The following GBP4 variants were observed in gnomAD, a reference collection of about 807,000 sequenced individuals.
The protein encoded by GBP4 is guanylate binding protein 4, also known as guanylate-binding protein 4.
In GBP4, 69 loss-of-function variants were observed where a neutral mutation model predicts 62.2. The ratio of observed to expected loss-of-function variants is 1.11; its 90% confidence interval spans 0.91 to 1.36. GBP4 has a LOEUF of 1.36. Ranked by LOEUF, GBP4 falls within the 40% of genes most tolerant of loss-of-function variation. The pLI is 0.00. For missense variants in GBP4, 697 were observed against 759.3 expected (o/e 0.92, Z 0.96); for synonymous variants, 278 against 274.6 (o/e 1.01, Z -0.12).
In GBP4 at chr1:89,184,384, G is replaced by A. The variant is rs1647970949; in HGVS notation, c.*870C>T. 6.6e-6 allele frequency: 1 copy of A among 152,168 alleles called. No homozygotes were observed. Among genetic ancestry groups the A allele is most frequent in the South Asian group, 2.1e-4 (1 of 4,820 alleles). 9.4% of individuals were successfully genotyped at this position (152,168 alleles called of 1,614,324 possible). On this transcript the variant is annotated 3_prime_UTR_variant, in exon 11 of 11. Coordinates refer to ENST00000355754, the MANE Select transcript of GBP4 (RefSeq NM_052941.5). ...GAAATATAAATCATTGTACCATAAA[G>A]GCACATGCACGTGTATGTCCATTGC...
In GBP4 at chr1:89,192,985, C is replaced by G; in HGVS notation, c.589G>C (p.Asp197His). The change falls in exon 5 of 11, where the codon GAT becomes CAT. Residue 197 changes from aspartate to histidine, a missense_variant. Physicochemically the swap from Asp to His is moderately conservative, Grantham distance 81. Transcript: ENST00000355754. ...FFPDFIWTVR[D>H]FTLELKLDGN... ...TCTAACTTTAGCTCCAGGGTAAAAT[C>G]CCGAACAGTCCAAATAAAGTCTGGA... is the stretch of plus-strand genomic sequence containing the variant. 6.2e-7 allele frequency: 1 copy of G among 1,614,136 alleles called. No homozygotes were observed. Among genetic ancestry groups the G allele is most frequent in the Non-Finnish European group, 8.5e-7 (1 of 1,180,026 alleles).
chr1:89,186,518 C>T lies in GBP4; in HGVS notation c.1522G>A (p.Ala508Thr), dbSNP rs1402148365. Reference protein sequence around the residue: ...AGEKAIAAERAMKEAAEKEQE... With the variant: ...AGEKAIAAERTMKEAAEKEQE... ...TCCTTCTCAGCTGCTTCCTTCATGGCCCGCTCCGCTATTCCACAAAGGTTT... is the reference window on the plus strand; with the variant it reads ...TCCTTCTCAGCTGCTTCCTTCATGGTCCGCTCCGCTATTCCACAAAGGTTT... The change falls in exon 10 of 11, where the codon GCC (alanine) becomes ACC (threonine). Residue 508 changes from alanine (A) to threonine (T), a missense_variant. Ala to Thr is a moderately conservative substitution (Grantham distance 58). Around this residue, in one of 2 missense-constraint regions of GBP4, gnomAD observed 141 missense variants for 196.6 expected, o/e 0.72. Coordinates refer to ENST00000355754, the MANE Select transcript of GBP4 (RefSeq NM_052941.5). The T allele has an allele frequency of 6.2e-7, 1 of 1,613,720 alleles. No individual in the cohort carries two copies. Among genetic ancestry groups the T allele is most frequent in the Non-Finnish European group, 8.5e-7 (1 of 1,179,920 alleles).
chr1:89,192,490 A>ATT (rs1468498777), intron 5 of GBP4, among the ~76,000 whole-genome samples: 1 of 152,198 alleles, frequency 6.6e-6, no homozygotes, highest in African/African-American at 2.4e-5. Flanking sequence ...AAGTTAGATC[A>ATT]TTTGACTTCT....
chr1:89,181,858 A>C lies in GBP4; in HGVS notation c.*3396T>G, dbSNP rs1014498754. On this transcript the variant is annotated 3_prime_UTR_variant, in exon 11 of 11. Transcript: ENST00000355754. The stretch of plus-strand genomic sequence containing the variant: ...TCTATTTAAAAAATGTGGCGTTAAT[A>C]ACATTAAGCCAAGAGCCAAATCAGG... 3.1e-5 allele frequency: 2 copies of C among 64,994 alleles called. No homozygotes were observed. The highest frequency in any genetic ancestry group is 1.5e-4 in the African/African-American group (2 of 13,456). The allele number at this position is 64,994 out of a possible 1,614,324, so 4.0% of individuals were successfully genotyped here.
chr1:89,197,605 A>G lies in GBP4; in HGVS notation c.41-301T>C, dbSNP rs534834989. Among the ~76,000 whole-genome samples the G allele has an allele frequency of 4.6e-5, 7 of 152,334 alleles. No homozygotes were observed. In the East Asian group the frequency reaches 1.3e-3, roughly 29 times the overall value. On this transcript the variant is annotated intron_variant, in intron 1 of 10. Transcript: ENST00000355754. ...TAAAAATGCCTTGTCAAGGTGATGC[A>G]TAAAATAAACAGAATTAGAAAATCA... is the stretch of plus-strand genomic sequence containing the variant.
In GBP4 at chr1:89,186,382, C is replaced by T. The variant is rs1648032129; in HGVS notation, c.1658G>A (p.Arg553Lys). Residue 553 changes from arginine (R) to lysine (K), a missense_variant, in exon 10 of 11, where the codon AGG becomes AAG. Arg to Lys is a conservative substitution (Grantham distance 26). This residue lies in a region of GBP4 where 141 missense variants were observed against 196.6 expected (regional missense o/e 0.72). Coordinates refer to ENST00000355754, the MANE Select transcript of GBP4 (RefSeq NM_052941.5). ...AQMEKKLEEE[R>K]ENLLREHERL... Reference sequence around the variant, plus strand: ...TTCATGCTCTCTGAGAAGGTTTTCCCTTTCCTCCTCCAACTTCTTCTCCAT... The same window carrying T: ...TTCATGCTCTCTGAGAAGGTTTTCCTTTTCCTCCTCCAACTTCTTCTCCAT... The T allele has an allele frequency of 5.1e-6, 8 of 1,557,556 alleles. No individual in the cohort carries two copies. Among genetic ancestry groups the T allele is most frequent in the Non-Finnish European group, 7.1e-6 (8 of 1,127,720 alleles).
At chr1:89,194,550 G>C (rs1365735331) in intron 3 of GBP4, among the ~76,000 whole-genome samples, 1 of 152,012 alleles carries the variant, frequency 6.6e-6, no homozygotes, top group East Asian at 1.9e-4. Flanking sequence ...TTTCAATAAT[G>C]GAAGCCAAGG....
chr1:89,188,543 T>A, intron 8 of GBP4, 39 bp downstream of exon 8: 1 of 1,523,836 alleles, frequency 6.6e-7, no homozygotes, highest in Non-Finnish European at 9.1e-7. Context: ...ACCCTCTGAC[T>A]ATCCTCTGTT....
chr1:89,195,462 G>T (rs201696008), intron 2 of GBP4, 38 bp from the exon 3 acceptor site: 67 of 1,609,154 alleles, frequency 4.2e-5, no homozygotes, highest in African/African-American at 6.7e-5. Flanking sequence ...AGTAACAGTG[G>T]ATAGACCAGG....
intron 7 of GBP4, 65 bp from the exon 8 acceptor site, chr1:89,188,859 C>T: frequency 6.5e-7 from 1 of 1,547,626 alleles, no homozygotes; most frequent in Middle Eastern, 2.2e-4. Flanking sequence ...CAACTGTGAT[C>T]CTCTTGGAAG....
chr1:89,182,097 GAA>G lies in GBP4; in HGVS notation c.*3155_*3156del. On this transcript the variant is annotated 3_prime_UTR_variant, in exon 11 of 11. Coordinates refer to ENST00000355754, the MANE Select transcript of GBP4 (RefSeq NM_052941.5). ...GGGTGAGGAAGCCGGGTTGTTTTAA[GAA>G]GCCTGTGTCCCCTGTGAAAAGGCCC... is the stretch of plus-strand genomic sequence containing the variant. 6.6e-6 allele frequency: 1 copy of G among 152,284 alleles called. No individual in the cohort carries two copies. Among genetic ancestry groups the G allele is most frequent in the South Asian group, 2.1e-4 (1 of 4,816 alleles). 9.4% of individuals were successfully genotyped at this position (152,284 alleles called of 1,614,324 possible).
In GBP4 at chr1:89,184,879, A is replaced by T. The variant is rs373639430; in HGVS notation, c.*375T>A. On this transcript the variant is annotated 3_prime_UTR_variant, in exon 11 of 11. Coordinates refer to ENST00000355754, the MANE Select transcript of GBP4 (RefSeq NM_052941.5). ...AAGTTAAAAAAATTAAAAATTGTGG[A>T]GCTGCTCTCTTCTCATTAATCGGCA... 57 of 161,766 alleles carry T rather than the reference A, an allele frequency of 3.5e-4. 6 individuals carry two copies. The highest frequency in any genetic ancestry group is 8.9e-4 in the Admixed American group (14 of 15,748). The allele number at this position is 161,766 out of a possible 1,614,324, so 10.0% of individuals were successfully genotyped here. A position where few individuals can be genotyped will look rare whatever the true frequency, so the allele number is the denominator to read the frequency against.
chr1:89,181,324 G>C lies in GBP4; in HGVS notation c.*3930C>G, dbSNP rs1036771531. On this transcript the variant is annotated 3_prime_UTR_variant, in exon 11 of 11. Coordinates refer to ENST00000355754, the MANE Select transcript of GBP4 (RefSeq NM_052941.5). Reference sequence around the variant, plus strand: ...AGGTGGGTGTCACAAGTTGCTTAGTGGGGGAGCTTTTGAGCCAGGATGAGC... The same window carrying C: ...AGGTGGGTGTCACAAGTTGCTTAGTCGGGGAGCTTTTGAGCCAGGATGAGC... The C allele has an allele frequency of 1.3e-5, 2 of 151,996 alleles. No individual in the cohort carries two copies. Among genetic ancestry groups the C allele is most frequent in the Admixed American group, 1.3e-4 (2 of 15,238 alleles). The allele number at this position is 151,996 out of a possible 1,614,324, so 9.4% of individuals were successfully genotyped here.
rs1046123065 is a variant in GBP4, at chr1:89,182,907, A to G, written c.*2347T>C. ...AGTATCAAACAATATAAAACAATATAAGAAGGTCTCTCTCTTCCCTCAATT... is the reference window on the plus strand; with the variant it reads ...AGTATCAAACAATATAAAACAATATGAGAAGGTCTCTCTCTTCCCTCAATT... On this transcript the variant is annotated 3_prime_UTR_variant, in exon 11 of 11. Transcript: ENST00000355754. 16 of 152,218 alleles carry G rather than the reference A, an allele frequency of 1.1e-4. No homozygotes were observed. The highest frequency in any genetic ancestry group is 3.6e-4 in the African/African-American group (15 of 41,450). 9.4% of individuals were successfully genotyped at this position (152,218 alleles called of 1,614,324 possible). A position where few individuals can be genotyped will look rare whatever the true frequency, so the allele number is the denominator to read the frequency against.
chr1:89,191,355 C>G lies in GBP4; in HGVS notation c.822G>C (p.Arg274Ser), dbSNP rs1214787961. The G allele has an allele frequency of 3.1e-6, 5 of 1,614,168 alleles. No homozygotes were observed. Among genetic ancestry groups the G allele is most frequent in the Non-Finnish European group, 2.5e-6 (3 of 1,180,014 alleles). Residue 274 changes from arginine (R) to serine (S), a missense_variant, in exon 6 of 11, where the codon AGG (arginine) becomes AGC (serine). Arg to Ser is a moderately radical substitution (Grantham distance 110). This residue lies in a region of GBP4 where 556 missense variants were observed against 562.7 expected (regional missense o/e 0.99). Transcript: ENST00000355754. ...MDEVPEENLE[R>S]HFLMQSDNFC... ...AGTTGTCTGATTGCATAAGGAAATG[C>G]CTTTCCAGATTTTCTTCTGGCACTT...
chr1:89,189,000 A>G (rs1472135404), intron 7 of GBP4, among the ~76,000 whole-genome samples: 2 of 152,188 alleles, frequency 1.3e-5, no homozygotes, highest in South Asian at 2.1e-4. Context: ...GTCAGGCTCA[A>G]TATCTGTAAA....
chr1:89,197,084 G>A (rs1245924354), intron 2 of GBP4, 26 bp downstream of exon 2: 1 of 1,576,670 alleles, frequency 6.3e-7, no homozygotes, highest in Admixed American at 1.7e-5. Context: ...CCAAGTAAAT[G>A]GCTCCTGTCC....
chr1:89,198,836 G>T lies in GBP4; in HGVS notation c.-2C>A. ...AGCGTGAAGAGTTCTCTCACCCATT[G>T]CTCTGTCCTCCTGCGCCTGGATCCT... is the stretch of plus-strand genomic sequence containing the variant. On this transcript the variant is annotated 5_prime_UTR_variant, in exon 1 of 11. Coordinates refer to ENST00000355754, the MANE Select transcript of GBP4 (RefSeq NM_052941.5). 1 of 1,613,732 alleles carries T rather than the reference G, an allele frequency of 6.2e-7. No homozygotes were observed. Among genetic ancestry groups the T allele is most frequent in the Non-Finnish European group, 8.5e-7 (1 of 1,179,608 alleles).
At chr1:89,193,939 T>C (rs1049971764) in intron 3 of GBP4, among the ~76,000 whole-genome samples, 1 of 152,118 alleles carries the variant, frequency 6.6e-6, no homozygotes, top group Non-Finnish European at 1.5e-5. Context: ...CCCAAAGTTA[T>C]AAAGTATAAA....
Sources: allele counts gnomAD v4.1 joint callset (sites outside exome capture counted in the v4.1 genomes callset), GRCh38; gene constraint gnomAD v4.1.1; regional missense constraint gnomAD v4.1.1; transcripts MANE v1.5; gene names NCBI Gene and HGNC (gene_info 2026-07-23, HGNC 2026-07-21).